The following UBE2N variants were observed in gnomAD, a reference collection of about 807,000 sequenced individuals.
UBE2N encodes the protein ubiquitin conjugating enzyme E2 N.
For synonymous variants in UBE2N, 70 were observed against 69.2 expected, an observed-to-expected ratio of 1.01 and a Z score of -0.06; for missense variants, 60 against 192.1, an observed-to-expected ratio of 0.31 and a Z score of 4.07.
intron 1 of UBE2N, among the ~76,000 whole-genome samples, chr12:93,412,424 G>A (rs969620698): frequency 6.6e-6 from 1 of 152,196 alleles, no homozygotes; most frequent in African/African-American, 2.4e-5. Context: ...CTTGGCTAGG[G>A]CCAATCGGTC....
intron 1 of UBE2N, among the ~76,000 whole-genome samples, chr12:93,416,857 CAAAAAA>C (rs4020452): frequency 1.1e-5 from 1 of 88,578 alleles, no homozygotes; most frequent in Non-Finnish European, 2.3e-5. Flanking sequence ...CCATCACTAC[CAAAAAA>C]AAAAAAAAAA....
chr12:93,441,947 T>G lies in UBE2N; in HGVS notation c.-63A>C, dbSNP rs1420182715. ...CGGCTCCTCTCGCCTCACGCACGAG[T>G]GGAAGTCCCGGGCTCCACTTCCGGG... On this transcript the variant is annotated 5_prime_UTR_variant, in exon 1 of 4. Transcript: ENST00000318066. 3 of 1,517,678 alleles carry G rather than the reference T, an allele frequency of 2.0e-6. No homozygotes were observed. The East Asian group carries it at 8.1e-5, about 41-fold the overall frequency. The allele number at this position is 1,517,678 out of a possible 1,614,324, so 94.0% of individuals were successfully genotyped here.
Position 93,424,040 on chromosome 12 carries a change from A to G in UBE2N, c.31-12741T>C, listed in dbSNP as rs140120773. On this transcript the variant is annotated intron_variant, in intron 1 of 3. Coordinates refer to ENST00000318066, the MANE Select transcript of UBE2N (RefSeq NM_003348.4). The stretch of plus-strand genomic sequence containing the variant: ...TCTCCTAATAACCAAAATCCAATTA[A>G]CATTCTAGAATGTTTTTTGTTGTTG... 9.2e-3 allele frequency among the ~76,000 whole-genome samples: 1,403 copies of G among 152,304 alleles called. 21 individuals are homozygous for G. Among genetic ancestry groups the G allele is most frequent in the African/African-American group, 0.031 (1,288 of 41,562 alleles).
At chr12:93,417,599 C>G (rs1472522290) in intron 1 of UBE2N, among the ~76,000 whole-genome samples, 2 of 152,170 alleles carry the variant, frequency 1.3e-5, no homozygotes, top group Admixed American at 6.6e-5. Context: ...TTCTCTGAAA[C>G]ACAAAATTGC....
In UBE2N at chr12:93,441,944, G is replaced by C. The variant is rs1879132059; in HGVS notation, c.-60C>G. On this transcript the variant is annotated 5_prime_UTR_variant, in exon 1 of 4. Transcript: ENST00000318066. ...CTCCGGCTCCTCTCGCCTCACGCACGAGTGGAAGTCCCGGGCTCCACTTCC... is the reference window on the plus strand; with the variant it reads ...CTCCGGCTCCTCTCGCCTCACGCACCAGTGGAAGTCCCGGGCTCCACTTCC... 5.2e-6 allele frequency: 8 copies of C among 1,525,700 alleles called. No individual in the cohort carries two copies. Among genetic ancestry groups the C allele is most frequent in the Non-Finnish European group, 6.2e-6 (7 of 1,136,964 alleles). The allele number at this position is 1,525,700 out of a possible 1,614,324, so 94.5% of individuals were successfully genotyped here. A position where few individuals can be genotyped will look rare whatever the true frequency, so the allele number is the denominator to read the frequency against.
Position 93,409,632 on chromosome 12 carries a change from GGGGAAA to G in UBE2N, c.*401_*406del, listed in dbSNP as rs1474153517. On this transcript the variant is annotated 3_prime_UTR_variant, in exon 4 of 4. Coordinates refer to ENST00000318066, the MANE Select transcript of UBE2N (RefSeq NM_003348.4). ...CAATGCAATTAGATCACCAAAAAAG[GGGGAAA>G]GGAGCCCATAAAATTAAACTACCTC... 1 of 172,516 alleles carries G rather than the reference GGGGAAA, an allele frequency of 5.8e-6. No individual in the cohort carries two copies. Among genetic ancestry groups the G allele is most frequent in the African/African-American group, 2.4e-5 (1 of 41,460 alleles). The allele number at this position is 172,516 out of a possible 1,614,324, so 10.7% of individuals were successfully genotyped here. A position where few individuals can be genotyped will look rare whatever the true frequency, so the allele number is the denominator to read the frequency against.
intron 1 of UBE2N, 21 bp downstream of exon 1, chr12:93,441,834 G>A (rs1446259713): frequency 3.2e-6 from 5 of 1,579,546 alleles, no homozygotes; most frequent in South Asian, 2.3e-5. Context: ...CGAAGAGCTG[G>A]AGGCCGGCCT....
At chr12:93,411,510 TATC>T (rs1878029430) in intron 1 of UBE2N, among the ~76,000 whole-genome samples, 1 of 152,336 alleles carries the variant, frequency 6.6e-6, no homozygotes. Context: ...CTAATGATGT[TATC>T]ATACATTTTG....
chr12:93,411,988 G>A (rs533415146), intron 1 of UBE2N, among the ~76,000 whole-genome samples: 2 of 152,132 alleles, frequency 1.3e-5, no homozygotes, highest in East Asian at 1.9e-4. Context: ...CAACACACTC[G>A]GCCAAAAATT....
chr12:93,427,332 T>C (rs1297429596), intron 1 of UBE2N, among the ~76,000 whole-genome samples: 7 of 152,236 alleles, frequency 4.6e-5, no homozygotes, highest in Non-Finnish European at 1.5e-5. Flanking sequence ...CAATACAGAT[T>C]ACCTATCTCC....
rs1250038150 is a variant in UBE2N, at chr12:93,408,132, A to G, written c.*1907T>C. 6.6e-6 allele frequency: 1 copy of G among 152,142 alleles called. No homozygotes were observed. Among genetic ancestry groups the G allele is most frequent in the African/African-American group, 2.4e-5 (1 of 41,446 alleles). The allele number at this position is 152,142 out of a possible 1,614,324, so 9.4% of individuals were successfully genotyped here. A position where few individuals can be genotyped will look rare whatever the true frequency, so the allele number is the denominator to read the frequency against. ...TTACGGGCAGTAAATGTTGATTTCT[A>G]TTTCGTTTCTTGAAGTTTTGTGTGG... On this transcript the variant is annotated 3_prime_UTR_variant, in exon 4 of 4. Transcript: ENST00000318066.
intron 1 of UBE2N, among the ~76,000 whole-genome samples, chr12:93,412,505 T>C (rs1210293878): frequency 1.3e-5 from 2 of 152,356 alleles, no homozygotes; most frequent in East Asian, 3.9e-4. Context: ...CACTTGAACA[T>C]AAATTTAATT....
At chr12:93,420,939 T>G (rs1001584127) in intron 1 of UBE2N, among the ~76,000 whole-genome samples, 1 of 152,206 alleles carries the variant, frequency 6.6e-6, no homozygotes, top group East Asian at 1.9e-4. Context: ...AGGGACCACA[T>G]GCAATTATCA....
rs1000319837 is a variant in UBE2N at position 93,407,558 on chromosome 12, G to T, written c.*2481C>A. 3 of 152,162 alleles carry T rather than the reference G, an allele frequency of 2.0e-5. No homozygotes were observed. Among genetic ancestry groups the T allele is most frequent in the African/African-American group, 7.2e-5 (3 of 41,408 alleles). The allele number at this position is 152,162 out of a possible 1,614,324, so 9.4% of individuals were successfully genotyped here. A position where few individuals can be genotyped will look rare whatever the true frequency, so the allele number is the denominator to read the frequency against. On this transcript the variant is annotated 3_prime_UTR_variant, in exon 4 of 4. Coordinates refer to ENST00000318066, the MANE Select transcript of UBE2N (RefSeq NM_003348.4). ...TGAGAAGACAATGACATGCTCTTAG[G>T]GTGTCTGCTACTCAGATCCTCTCAG...
chr12:93,414,122 T>C (rs531451776), intron 1 of UBE2N, among the ~76,000 whole-genome samples: 68 of 149,498 alleles, frequency 4.5e-4, no homozygotes, highest in Non-Finnish European at 9.0e-4. Flanking sequence ...GATCGTGCCA[T>C]TGCACTCCAG....
At position 93,406,191 on chromosome 12, in the gene UBE2N, G is replaced by A. The variant is rs936412693; in HGVS notation, c.*3848C>T. 1 of 146,922 alleles carries A rather than the reference G, an allele frequency of 6.8e-6. No homozygotes were observed. Among genetic ancestry groups the A allele is most frequent in the African/African-American group, 2.5e-5 (1 of 39,846 alleles). The allele number at this position is 146,922 out of a possible 1,614,324, so 9.1% of individuals were successfully genotyped here. A position where few individuals can be genotyped will look rare whatever the true frequency, so the allele number is the denominator to read the frequency against. ...GCTGAGGCAGGAGAATCGCTTGAAC[G>A]CGGGAGGCAGAACCTGCAGTGAGCC... On this transcript the variant is annotated 3_prime_UTR_variant, in exon 4 of 4. Transcript: ENST00000318066.
chr12:93,426,842 G>A lies in UBE2N; in HGVS notation c.30+15013C>T, dbSNP rs190352696. Among the ~76,000 whole-genome samples the A allele has an allele frequency of 1.7e-3, 256 of 152,056 alleles. 1 individual carries two copies. The highest frequency in any genetic ancestry group is 6.1e-3 in the African/African-American group (254 of 41,460). ...GAAAACTGCGAGAGACGACAGTGCT[G>A]TCTCCCCTCTCATGGGTGCATCAGC... On this transcript the variant is annotated intron_variant, in intron 1 of 3. Transcript: ENST00000318066.
At chr12:93,429,552 C>T (rs914738396) in intron 1 of UBE2N, among the ~76,000 whole-genome samples, 18 of 146,112 alleles carry the variant, frequency 1.2e-4, no homozygotes, top group Admixed American at 2.1e-4. Flanking sequence ...GAGTGTATTC[C>T]TTCTGCTTGT....
chr12:93,436,250 C>G (rs1878931691), intron 1 of UBE2N, among the ~76,000 whole-genome samples: 1 of 152,140 alleles, frequency 6.6e-6, no homozygotes, highest in Non-Finnish European at 1.5e-5. Context: ...CAGATGTGTG[C>G]CACAACACCT....
Sources: gnomAD v4.1 joint callset for allele counts (sites outside exome capture counted in the v4.1 genomes callset) on GRCh38, gnomAD v4.1.1 for gene constraint, MANE v1.5 for transcripts, NCBI Gene and HGNC (gene_info 2026-07-23, HGNC 2026-07-21) for gene names.